Variants in LARP1 observed in about 807,000 individuals in gnomAD.
The protein encoded by LARP1 is la-related protein 1.
LARP1 carries 36 observed loss-of-function variants against 122.7 expected under a neutral mutation model. That is an observed-to-expected ratio of 0.29 (90% CI 0.22 to 0.39). The LOEUF (loss-of-function observed/expected upper bound fraction) is 0.39. LARP1 is among the 10% of genes least tolerant of loss of function. The probability of loss-of-function intolerance (pLI) is 1.00; values close to 1 mark genes in which losing one functional copy is unlikely to be tolerated. For missense variants in LARP1, 1,040 were observed against 1,403.6 expected (o/e 0.74, Z 4.14); for synonymous variants, 539 against 528.7 (o/e 1.02, Z -0.27).
At chr5:154,735,852 T>G (rs1469155422) in intron 1 of LARP1, among the ~76,000 whole-genome samples, 1 of 152,128 alleles carries the variant, frequency 6.6e-6, no homozygotes, top group Non-Finnish European at 1.5e-5. Context: ...ATTACAGGCA[T>G]GAGGCACTGC....
At chr5:154,782,475 G>A (rs1420918434) in intron 1 of LARP1, among the ~76,000 whole-genome samples, 1 of 152,146 alleles carries the variant, frequency 6.6e-6, no homozygotes, top group Non-Finnish European at 1.5e-5. Flanking sequence ...GGAGCACTGG[G>A]CCACCTGGGT....
At chr5:154,813,458 C>T (rs924487101) in intron 18 of LARP1, among the ~76,000 whole-genome samples, 5 of 152,160 alleles carry the variant, frequency 3.3e-5, no homozygotes, top group East Asian at 1.9e-4. Context: ...TGAGCTGAGA[C>T]GTCGCAGCAT....
In LARP1 at chr5:154,806,139, A is replaced by G. The variant is rs190221061; in HGVS notation, c.2698+107A>G. ...AGGTGACTCTTTTCTCTGACTTCAG[A>G]GCAAAAAAAAGACATGACATTATAG... On this transcript the variant is annotated intron_variant, in intron 15 of 18. Coordinates refer to ENST00000518297, the MANE Select transcript of LARP1 (RefSeq NM_033551.3). 2.5e-6 allele frequency: 3 copies of G among 1,192,708 alleles called. No individual in the cohort carries two copies. The East Asian group carries it at 7.4e-5, about 30-fold the overall frequency. The allele number at this position is 1,192,708 out of a possible 1,614,324, so 73.9% of individuals were successfully genotyped here.
At chr5:154,797,321 C>A (rs1439269295) in intron 8 of LARP1, among the ~76,000 whole-genome samples, 4 of 148,430 alleles carry the variant, frequency 2.7e-5, no homozygotes, top group Non-Finnish European at 5.9e-5. Context: ...GCAACCTCCA[C>A]CTCCCAGGTT....
chr5:154,695,132 G>C (rs1283279475), intron 1 of LARP1, among the ~76,000 whole-genome samples: 1 of 152,092 alleles, frequency 6.6e-6, no homozygotes, highest in African/African-American at 2.4e-5. Context: ...TGGCTAACAT[G>C]GTGAAACCCC....
At chr5:154,790,464 G>T in intron 2 of LARP1, 78 bp downstream of exon 2, 2 of 1,395,872 alleles carry the variant, frequency 1.4e-6, no homozygotes, top group South Asian at 1.2e-5. Flanking sequence ...AATGCTCCTG[G>T]ACTGCCAACT....
chr5:154,690,891 A>C (rs991796817), intron 1 of LARP1, among the ~76,000 whole-genome samples: 6 of 152,252 alleles, frequency 3.9e-5, no homozygotes, highest in Non-Finnish European at 8.8e-5. Flanking sequence ...TCCCCGGAGT[A>C]TTCGGCATCC....
In LARP1 at chr5:154,755,601, G is replaced by A; in HGVS notation, c.-157G>A. 1 of 987,534 alleles carries A rather than the reference G, an allele frequency of 1.0e-6. No homozygotes were observed. The highest frequency in any genetic ancestry group is 1.2e-6 in the Non-Finnish European group (1 of 830,182). The allele number at this position is 987,534 out of a possible 1,614,324, so 61.2% of individuals were successfully genotyped here. ...GATTTACGGCGGCTGCATCTAACTG[G>A]GAGGGGGCCGCACCTCGCGTGAACC... On this transcript the variant is annotated 5_prime_UTR_variant, in exon 1 of 19. Coordinates refer to ENST00000518297, the MANE Select transcript of LARP1 (RefSeq NM_033551.3).
chr5:154,816,530 C>CT lies in LARP1; in HGVS notation c.*2443dup, dbSNP rs531283238. ...GTAGGGGAGCTTTTTCTTTTCTTTCCTTTTTTTTTGTTTTTGTTTTTGTTT... is the reference window on the plus strand; with the variant it reads ...GTAGGGGAGCTTTTTCTTTTCTTTCCTTTTTTTTTTGTTTTTGTTTTTGTTT... On this transcript the variant is annotated 3_prime_UTR_variant, in exon 19 of 19. Coordinates refer to ENST00000518297, the MANE Select transcript of LARP1 (RefSeq NM_033551.3). 165 of 151,956 alleles carry CT rather than the reference C, an allele frequency of 1.1e-3. No individual in the cohort carries two copies. The highest frequency in any genetic ancestry group is 1.2e-3 in the Non-Finnish European group (79 of 67,834). 9.4% of individuals were successfully genotyped at this position (151,956 alleles called of 1,614,324 possible).
intron 10 of LARP1, among the ~76,000 whole-genome samples, chr5:154,801,416 T>C (rs1490318984): frequency 6.6e-6 from 1 of 152,182 alleles, no homozygotes; most frequent in Admixed American, 6.5e-5. Context: ...CACAATGCAG[T>C]TGGCTGTTTG....
chr5:154,701,970 C>A (rs994392466), intron 1 of LARP1, among the ~76,000 whole-genome samples: 1 of 152,054 alleles, frequency 6.6e-6, no homozygotes, highest in Non-Finnish European at 1.5e-5. Flanking sequence ...TATAAGCCAC[C>A]ATTGTGGACC....
chr5:154,795,626 A>G (rs1757686473), intron 8 of LARP1, among the ~76,000 whole-genome samples: 1 of 151,824 alleles, frequency 6.6e-6, no homozygotes, highest in African/African-American at 2.4e-5. Flanking sequence ...CTCACATACT[A>G]CATTGAAGAA....
chr5:154,791,933 C>A, intron 3 of LARP1: 1 of 455,832 alleles, frequency 2.2e-6, no homozygotes, highest in Non-Finnish European at 4.4e-6. Context: ...CTTTTATAAT[C>A]CCCATTTTAC....
chr5:154,790,617 G>A, intron 2 of LARP1, 28 bp from the exon 3 acceptor site: 2 of 1,612,618 alleles, frequency 1.2e-6, no homozygotes, highest in Non-Finnish European at 1.7e-6. Flanking sequence ...GTCACTCCTG[G>A]GGCCCTCATA....
In LARP1 at chr5:154,803,457, T is replaced by A; in HGVS notation, c.2233+44T>A. On this transcript the variant is annotated intron_variant, in intron 12 of 18. Transcript: ENST00000518297. This position sits in a 1 kb window ranked among gnomAD's most constrained non-coding sequence, Gnocchi z 4.4. ...AGATCCTGACATGGGTGAGAGGATCTAGGGCCCTTGGACTGGGGGCTATCC... is the reference window on the plus strand; with the variant it reads ...AGATCCTGACATGGGTGAGAGGATCAAGGGCCCTTGGACTGGGGGCTATCC... 6.2e-7 allele frequency: 1 copy of A among 1,614,088 alleles called. No individual in the cohort carries two copies. Among genetic ancestry groups the A allele is most frequent in the South Asian group, 1.1e-5 (1 of 91,076 alleles).
chr5:154,754,957 C>G (rs1329005578), upstream of LARP1, among the ~76,000 whole-genome samples: 1 of 152,192 alleles, frequency 6.6e-6, no homozygotes. Context: ...CGAGCAGGCC[C>G]GGCAGGCCGC....
At position 154,790,627 on chromosome 5, in the gene LARP1, A is replaced by G; in HGVS notation, c.499-18A>G. On this transcript the variant is annotated intron_variant, in intron 2 of 18. Coordinates refer to ENST00000518297, the MANE Select transcript of LARP1 (RefSeq NM_033551.3). Reference sequence around the variant, plus strand: ...ACAGGGTCACTCCTGGGGCCCTCATAGTGTATGTTCCCTGCAGGTTGGTGA... The same window carrying G: ...ACAGGGTCACTCCTGGGGCCCTCATGGTGTATGTTCCCTGCAGGTTGGTGA... The G allele has an allele frequency of 6.2e-7, 1 of 1,613,826 alleles. No individual in the cohort carries two copies. The highest frequency in any genetic ancestry group is 1.3e-5 in the African/African-American group (1 of 74,990).
chr5:154,715,268 T>C (rs1251985051), intron 1 of LARP1, among the ~76,000 whole-genome samples: 8 of 143,122 alleles, frequency 5.6e-5, no homozygotes, highest in African/African-American at 1.0e-4. Flanking sequence ...GCCTCTCTTT[T>C]TTTTTTTTTT....
intron 1 of LARP1, among the ~76,000 whole-genome samples, chr5:154,784,805 C>T (rs1201501274): frequency 2.6e-5 from 4 of 152,202 alleles, no homozygotes; most frequent in African/African-American, 9.7e-5. Context: ...TCTGGAACCT[C>T]TGGGTAGTTT....
Sources: allele counts gnomAD v4.1 joint callset (sites outside exome capture counted in the v4.1 genomes callset), GRCh38; gene constraint gnomAD v4.1.1; non-coding constraint Gnocchi (gnomAD v3.1); transcripts MANE v1.5; gene names NCBI Gene and HGNC (gene_info 2026-07-23, HGNC 2026-07-21).